KCNH7: variants seen among roughly 807,000 people sequenced by gnomAD.
KCNH7 encodes the protein voltage-gated inwardly rectifying potassium channel KCNH7.
Under a neutral mutation model 120.8 loss-of-function variants are expected in KCNH7, and 49 were observed. The ratio of observed to expected loss-of-function variants is 0.41; its 90% CI spans 0.32 to 0.51. KCNH7 has a LOEUF of 0.51. Ranked by LOEUF, KCNH7 falls within the 20% of genes least tolerant of loss-of-function variation. The pLI is 0.38. For missense variants in KCNH7, 1,097 were observed against 1,446.6 expected (o/e 0.76, Z 3.92); for synonymous variants, 547 against 516.1 (o/e 1.06, Z -0.81).
chr2:162,441,303 G>A (rs144096043), intron 7 of KCNH7, among the ~76,000 whole-genome samples: 102 of 152,254 alleles, frequency 6.7e-4, no homozygotes, highest in Non-Finnish European at 1.0e-3. Context: ...TTCAGCTGTC[G>A]AAATGCTCAG....
intron 2 of KCNH7, among the ~76,000 whole-genome samples, chr2:162,671,244 A>C (rs1405090559): frequency 1.3e-5 from 2 of 152,198 alleles, no homozygotes; most frequent in Admixed American, 6.6e-5. Flanking sequence ...TATCAAAAAG[A>C]CACCTAGACT....
intron 6 of KCNH7, among the ~76,000 whole-genome samples, chr2:162,494,344 T>C (rs1055829313): frequency 9.9e-5 from 15 of 152,144 alleles, no homozygotes; most frequent in Non-Finnish European, 2.1e-4. Flanking sequence ...TTGGTAGGCT[T>C]CACAAAATCA....
rs559288701 is a variant in KCNH7 at position 162,802,196 on chromosome 2, C to T, written c.307+34341G>A. ...GAGAACATCCCTGTTATTTTAATAA[C>T]TCTAGTTTCTTTTCAAAGAAAAGAC... On this transcript the variant is annotated intron_variant, in intron 2 of 15. Coordinates refer to ENST00000332142, the MANE Select transcript of KCNH7 (RefSeq NM_033272.4). Among the ~76,000 whole-genome samples the T allele has an allele frequency of 4.0e-5, 6 of 151,758 alleles. No individual in the cohort carries two copies. The South Asian group carries it at 6.2e-4, about 16-fold the overall frequency.
At chr2:162,386,653 G>A (rs1686582456) in intron 12 of KCNH7, among the ~76,000 whole-genome samples, 1 of 151,778 alleles carries the variant, frequency 6.6e-6, no homozygotes, top group Non-Finnish European at 1.5e-5. Flanking sequence ...AGCATCAAAT[G>A]CAAGCTGAAT....
At chr2:162,778,116 G>GA (rs1683324034) in intron 2 of KCNH7, among the ~76,000 whole-genome samples, 3 of 151,908 alleles carry the variant, frequency 2.0e-5, no homozygotes, top group Non-Finnish European at 4.4e-5. Context: ...AGGCTTTGTA[G>GA]AAAAAATTGT....
chr2:162,507,380 G>T (rs1210044932), intron 5 of KCNH7, among the ~76,000 whole-genome samples: 1 of 151,552 alleles, frequency 6.6e-6, no homozygotes, highest in African/African-American at 2.4e-5. Flanking sequence ...TCCTATGTAT[G>T]TAAAATGATA....
chr2:162,772,863 AATAGACAT>A (rs1303384998), intron 2 of KCNH7, among the ~76,000 whole-genome samples: 1 of 152,216 alleles, frequency 6.6e-6, no homozygotes, highest in Non-Finnish European at 1.5e-5. Context: ...CAGCGGAGGA[AATAGACAT>A]ATATAACTCA....
At chr2:162,745,746 A>C (rs907848528) in intron 2 of KCNH7, among the ~76,000 whole-genome samples, 1 of 152,120 alleles carries the variant, frequency 6.6e-6, no homozygotes, top group Non-Finnish European at 1.5e-5. Context: ...AAATTTAAAA[A>C]AAGGTAATAT....
intron 2 of KCNH7, among the ~76,000 whole-genome samples, chr2:162,617,218 G>A (rs1172506435): frequency 6.6e-6 from 1 of 152,138 alleles, no homozygotes; most frequent in Non-Finnish European, 1.5e-5. Context: ...GGTGGCTCAC[G>A]CCTGTAATCC....
intron 8 of KCNH7, among the ~76,000 whole-genome samples, chr2:162,431,358 G>T (rs1292764831): frequency 1.3e-5 from 2 of 151,794 alleles, no homozygotes; most frequent in African/African-American, 2.4e-5. Context: ...CTAAAATAAG[G>T]CCACTAATGG....
chr2:162,543,221 T>C (rs1025034930), intron 2 of KCNH7, among the ~76,000 whole-genome samples: 2 of 152,092 alleles, frequency 1.3e-5, no homozygotes, highest in African/African-American at 2.4e-5. Flanking sequence ...TGGCAGTGTA[T>C]CTGATAATAC....
intron 2 of KCNH7, among the ~76,000 whole-genome samples, chr2:162,706,851 G>A (rs538678418): frequency 5.6e-4 from 86 of 152,236 alleles, no homozygotes; most frequent in African/African-American, 1.9e-3. Flanking sequence ...TACAGTTAGA[G>A]GTTGGTCTGG....
At chr2:162,424,696 A>G (rs1687804206) in intron 8 of KCNH7, among the ~76,000 whole-genome samples, 1 of 152,212 alleles carries the variant, frequency 6.6e-6, no homozygotes, top group South Asian at 2.1e-4. Context: ...TTAAACTAAT[A>G]TGCTTTCCTG....
At chr2:162,659,600 C>T (rs1684887647) in intron 2 of KCNH7, among the ~76,000 whole-genome samples, 1 of 152,136 alleles carries the variant, frequency 6.6e-6, no homozygotes, top group Admixed American at 6.5e-5. Flanking sequence ...AGCTCAACCT[C>T]CCAAAGTGCT....
At chr2:162,546,853 TA>T (rs72255819) in intron 2 of KCNH7, among the ~76,000 whole-genome samples, 34 of 148,828 alleles carry the variant, frequency 2.3e-4, no homozygotes, top group Admixed American at 1.3e-3. Flanking sequence ...ATCTTTTATT[TA>T]AAAAAAAAAG....
intron 11 of KCNH7, among the ~76,000 whole-genome samples, chr2:162,394,817 A>C (rs1037896058): frequency 6.6e-6 from 1 of 151,914 alleles, no homozygotes; most frequent in Non-Finnish European, 1.5e-5. Context: ...AGTTAAAATA[A>C]GAATAATACA....
At chr2:162,432,404 CTA>C (rs996721355) in intron 8 of KCNH7, among the ~76,000 whole-genome samples, 1 of 151,642 alleles carries the variant, frequency 6.6e-6, no homozygotes, top group Non-Finnish European at 1.5e-5. Flanking sequence ...TAAAATAACA[CTA>C]AAAATATGAA....
At chr2:162,661,716 C>A (rs1684965272) in intron 2 of KCNH7, among the ~76,000 whole-genome samples, 1 of 151,892 alleles carries the variant, frequency 6.6e-6, no homozygotes, top group African/African-American at 2.4e-5. Context: ...TCATAAACTT[C>A]ATGGGATAAA....
At chr2:162,766,864 T>TACACAC (rs200638624) in intron 2 of KCNH7, among the ~76,000 whole-genome samples, 2,817 of 141,582 alleles carry the variant, frequency 0.02, 42 homozygotes, top group South Asian at 0.034. Flanking sequence ...CTAAGCACAT[T>TACACAC]ACACACACAC....
Sources: gnomAD v4.1 joint callset for allele counts (sites outside exome capture counted in the v4.1 genomes callset) on GRCh38, gnomAD v4.1.1 for gene constraint, MANE v1.5 for transcripts, NCBI Gene and HGNC (gene_info 2026-07-23, HGNC 2026-07-21) for gene names.